Variants in LRP1B observed in about 807,000 individuals in gnomAD.
LRP1B encodes LDL receptor related protein 1B, also known as low-density lipoprotein receptor-related protein 1B.
In LRP1B, 217 loss-of-function variants were observed where a neutral mutation model predicts 556.6. The ratio of observed to expected loss-of-function variants is 0.39; its 90% CI spans 0.35 to 0.44. The LOEUF (loss-of-function observed/expected upper bound fraction) is 0.44, where lower values mean the gene tolerates loss of function less well. LRP1B is among the 20% of genes least tolerant of loss of function. LRP1B has a pLI of 1.00. For missense variants in LRP1B, 5,053 were observed against 5,620.8 expected (o/e 0.90, Z 3.23); for synonymous variants, 2,047 against 1,865.8 (o/e 1.10, Z -2.50).
chr2:141,283,647 G>A (rs1327189308), intron 3 of LRP1B, among the ~76,000 whole-genome samples: 2 of 134,824 alleles, frequency 1.5e-5, no homozygotes, highest in Non-Finnish European at 3.1e-5. Context: ...TTGAGACGCA[G>A]TGTAGTGGCG....
intron 87 of LRP1B, among the ~76,000 whole-genome samples, chr2:140,245,216 T>C (rs763491228): frequency 1.3e-5 from 2 of 151,390 alleles, no homozygotes; most frequent in Non-Finnish European, 3.0e-5. Flanking sequence ...TTTGCAACTC[T>C]TTCCCCTATT....
At chr2:141,377,789 G>T (rs187743264) in intron 3 of LRP1B, among the ~76,000 whole-genome samples, 1 of 152,098 alleles carries the variant, frequency 6.6e-6, no homozygotes, top group East Asian at 1.9e-4. Context: ...TCTTTAGAGT[G>T]AATTGCATTT....
At chr2:140,653,897 C>T (rs892592359) in intron 41 of LRP1B, among the ~76,000 whole-genome samples, 4 of 151,126 alleles carry the variant, frequency 2.6e-5, no homozygotes, top group Non-Finnish European at 3.0e-5. Flanking sequence ...TGGTGGTGGG[C>T]GCCTGTAATC....
intron 3 of LRP1B, among the ~76,000 whole-genome samples, chr2:141,350,279 A>G (rs1220795379): frequency 6.6e-6 from 1 of 151,954 alleles, no homozygotes. Flanking sequence ...AATGGGGCAA[A>G]TGTACAAGTA....
intron 43 of LRP1B, among the ~76,000 whole-genome samples, chr2:140,587,291 A>T (rs1682024669): frequency 6.6e-6 from 1 of 152,192 alleles, no homozygotes; most frequent in Non-Finnish European, 1.5e-5. Flanking sequence ...GCTAAAAAGG[A>T]CTTGAAAAAT....
rs559848657 is a variant in LRP1B, at chr2:140,936,820, T to C, written c.3136+13415A>G. Among the ~76,000 whole-genome samples the C allele has an allele frequency of 8.5e-4, 130 of 152,234 alleles. No homozygotes were observed. In the Middle Eastern group the frequency reaches 0.01, roughly 12 times the overall value. ...AATGTGTTTTTAAAAAAATTATTAGTTTATGTTTCAGACATACAATGTATT... is the reference window on the plus strand; with the variant it reads ...AATGTGTTTTTAAAAAAATTATTAGCTTATGTTTCAGACATACAATGTATT... On this transcript the variant is annotated intron_variant, in intron 20 of 90. Transcript: ENST00000389484.
intron 1 of LRP1B, among the ~76,000 whole-genome samples, chr2:142,024,294 AG>A (rs1210844164): frequency 1.3e-5 from 2 of 152,174 alleles, no homozygotes; most frequent in African/African-American, 2.4e-5. Context: ...TTTTCAGCAA[AG>A]CTTCACGTTT....
intron 3 of LRP1B, among the ~76,000 whole-genome samples, chr2:141,266,452 T>A (rs1684893280): frequency 6.6e-6 from 1 of 152,144 alleles, no homozygotes; most frequent in Non-Finnish European, 1.5e-5. Context: ...TATTTCTCTG[T>A]AATACAATTC....
At chr2:140,288,741 A>G (rs2104981688) in intron 84 of LRP1B, among the ~76,000 whole-genome samples, 1 of 151,706 alleles carries the variant, frequency 6.6e-6, no homozygotes, top group African/African-American at 2.4e-5. Flanking sequence ...TTTTTTTTTC[A>G]GGGACAGATT....
At chr2:141,192,930 T>C (rs1681583857) in intron 6 of LRP1B, among the ~76,000 whole-genome samples, 1 of 151,716 alleles carries the variant, frequency 6.6e-6, no homozygotes, top group Non-Finnish European at 1.5e-5. Flanking sequence ...GAATGAAACA[T>C]TCAGAAAAGA....
intron 2 of LRP1B, among the ~76,000 whole-genome samples, chr2:141,596,194 T>C (rs1687513015): frequency 6.6e-6 from 1 of 151,958 alleles, no homozygotes; most frequent in African/African-American, 2.4e-5. Context: ...TTTGACTCAA[T>C]TTTGCCTATG....
intron 31 of LRP1B, among the ~76,000 whole-genome samples, chr2:140,824,129 TA>T (rs11376103): frequency 8.6e-5 from 13 of 150,700 alleles, no homozygotes; most frequent in African/African-American, 1.5e-4. Context: ...TTTAAAAAAA[TA>T]AAAAAAAATA....
chr2:140,753,906 T>C (rs1324864831), intron 35 of LRP1B, among the ~76,000 whole-genome samples: 2 of 152,134 alleles, frequency 1.3e-5, no homozygotes, highest in African/African-American at 2.4e-5. Flanking sequence ...CCACCCATCC[T>C]GTACTCATAG....
chr2:140,945,260 T>C (rs1322345743), intron 20 of LRP1B, among the ~76,000 whole-genome samples: 1 of 152,108 alleles, frequency 6.6e-6, no homozygotes, highest in East Asian at 1.9e-4. Context: ...TGGATTGCAA[T>C]AATCAATATT....
At position 141,731,221 on chromosome 2, in the gene LRP1B, A is replaced by G. The variant is rs542662679; in HGVS notation, c.205+79058T>C. ...AATGTTACCTGGAGCATGGCCCCCA[A>G]ATTAAAATTTCCCGGGCCCTATCCC... is the stretch of plus-strand genomic sequence containing the variant. On this transcript the variant is annotated intron_variant, in intron 2 of 90. Coordinates refer to ENST00000389484, the MANE Select transcript of LRP1B (RefSeq NM_018557.3). Among the ~76,000 whole-genome samples the G allele has an allele frequency of 2.0e-5, 3 of 152,198 alleles. No individual in the cohort carries two copies. The East Asian group carries it at 5.8e-4, about 30-fold the overall frequency.
chr2:141,191,875 C>T (rs879148262), intron 6 of LRP1B, among the ~76,000 whole-genome samples: 2 of 151,790 alleles, frequency 1.3e-5, no homozygotes, highest in Non-Finnish European at 2.9e-5. Flanking sequence ...TGCCAGAGTC[C>T]ATTCAATGAC....
At chr2:141,677,151 C>A (rs1328306920) in intron 2 of LRP1B, among the ~76,000 whole-genome samples, 1 of 152,074 alleles carries the variant, frequency 6.6e-6, no homozygotes, top group Admixed American at 6.6e-5. Context: ...CAACTGATAC[C>A]TGAAGAACGA....
intron 86 of LRP1B, among the ~76,000 whole-genome samples, chr2:140,257,258 G>A (rs1312786559): frequency 6.6e-6 from 1 of 152,084 alleles, no homozygotes; most frequent in Non-Finnish European, 1.5e-5. Context: ...GAAATATGAG[G>A]TGGTTTATAG....
chr2:141,265,064 C>T (rs1684836753), intron 3 of LRP1B, among the ~76,000 whole-genome samples: 2 of 152,122 alleles, frequency 1.3e-5, no homozygotes, highest in South Asian at 4.1e-4. Context: ...CGAGCCCTTC[C>T]CGGAGATGAG....
Sources: gnomAD v4.1 joint callset for allele counts (sites outside exome capture counted in the v4.1 genomes callset) on GRCh38, gnomAD v4.1.1 for gene constraint, MANE v1.5 for transcripts, NCBI Gene and HGNC (gene_info 2026-07-23, HGNC 2026-07-21) for gene names.